Variants in HYCC2 observed in about 807,000 individuals in gnomAD.
HYCC2 encodes the protein hyccin 2.
the HYCC2 span, among the ~76,000 whole-genome samples, chr2:201,055,989 C>G: frequency 1.3e-5 from 2 of 152,180 alleles, no homozygotes; most frequent in Non-Finnish European, 2.9e-5. Context: ...GAGATCGAGA[C>G]CATCCTGGCT....
At chr2:201,030,378 T>A in the HYCC2 span, among the ~76,000 whole-genome samples, 4 of 151,620 alleles carry the variant, frequency 2.6e-5, no homozygotes, top group African/African-American at 4.8e-5. Context: ...AAAAAAAAAA[T>A]GGAACTTAGC....
At chr2:200,991,531 T>G in the HYCC2 span, among the ~76,000 whole-genome samples, 15 of 149,842 alleles carry the variant, frequency 1.0e-4, no homozygotes, top group African/African-American at 3.7e-4. Flanking sequence ...ATAGCGCCAC[T>G]GCACTCCAGC....
the HYCC2 span, among the ~76,000 whole-genome samples, chr2:201,002,080 C>T: frequency 1.3e-5 from 2 of 151,740 alleles, no homozygotes; most frequent in African/African-American, 4.8e-5. Flanking sequence ...AGTGTCAATT[C>T]CTCAATATTC....
chr2:201,002,420 A>G, the HYCC2 span, among the ~76,000 whole-genome samples: 1 of 152,148 alleles, frequency 6.6e-6, no homozygotes, highest in Non-Finnish European at 1.5e-5. Context: ...CAGTATTGGG[A>G]GTTAGTAGGA....
At chr2:201,045,441 A>C in the HYCC2 span, 1 of 397,484 alleles carries the variant, frequency 2.5e-6, no homozygotes, top group Non-Finnish European at 4.4e-6. Context: ...TAACATGTCT[A>C]ATGATATAGA....
At chr2:200,999,049 T>C in the HYCC2 span, among the ~76,000 whole-genome samples, 1 of 151,978 alleles carries the variant, frequency 6.6e-6, no homozygotes, top group African/African-American at 2.4e-5. Context: ...AAACTGAAAA[T>C]AGGAAGATTA....
chr2:201,050,731 C>T, the HYCC2 span, among the ~76,000 whole-genome samples: 137 of 151,922 alleles, frequency 9.0e-4, no homozygotes, highest in African/African-American at 3.2e-3. Flanking sequence ...GTCAGGAGTT[C>T]GAGACCAGCC....
the HYCC2 span, chr2:201,062,991 A>G: frequency 7.0e-7 from 1 of 1,426,480 alleles, no homozygotes; most frequent in African/African-American, 1.4e-5. Context: ...AGCAGCTAAC[A>G]TTTATTATGC....
chr2:201,023,359 A>C, the HYCC2 span, among the ~76,000 whole-genome samples: 1 of 152,054 alleles, frequency 6.6e-6, no homozygotes, highest in Non-Finnish European at 1.5e-5. Context: ...AAAAAAAAAA[A>C]GAAAGAAAGA....
chr2:201,006,130 CTTT>C, the HYCC2 span, among the ~76,000 whole-genome samples: 2 of 118,314 alleles, frequency 1.7e-5, no homozygotes. Context: ...TCGCGCCTGG[CTTT>C]TTTTTTTTTT....
At chr2:201,067,299 G>A in the HYCC2 span, 1 of 152,998 alleles carries the variant, frequency 6.5e-6, no homozygotes, top group Non-Finnish European at 1.5e-5. Flanking sequence ...TGACAAAGGT[G>A]ATGGATAAAT....
chr2:201,006,852 C>A, the HYCC2 span, among the ~76,000 whole-genome samples: 1,722 of 152,200 alleles, frequency 0.011, 17 homozygotes, highest in Non-Finnish European at 0.017. Context: ...AGAATGAATA[C>A]TAATGGAACA....
At chr2:201,027,610 T>C in the HYCC2 span, among the ~76,000 whole-genome samples, 2 of 152,160 alleles carry the variant, frequency 1.3e-5, no homozygotes, top group East Asian at 3.9e-4. Flanking sequence ...AAAAAGCTTA[T>C]CCACCAAGAT....
At chr2:201,066,175 G>C in the HYCC2 span, among the ~76,000 whole-genome samples, 1 of 151,784 alleles carries the variant, frequency 6.6e-6, no homozygotes, top group Non-Finnish European at 1.5e-5. Flanking sequence ...CTAGGTTCAA[G>C]CAATTTTCCT....
At chr2:201,056,976 A>G in the HYCC2 span, among the ~76,000 whole-genome samples, 1 of 152,204 alleles carries the variant, frequency 6.6e-6, no homozygotes, top group African/African-American at 2.4e-5. Flanking sequence ...AATGCCCTGA[A>G]TTGGACCAAC....
the HYCC2 span, among the ~76,000 whole-genome samples, chr2:201,025,418 T>C: frequency 1.3e-5 from 2 of 148,540 alleles, no homozygotes; most frequent in Non-Finnish European, 3.0e-5. Context: ...ACCAAACATA[T>C]TTTTTCAAAG....
the HYCC2 span, among the ~76,000 whole-genome samples, chr2:201,043,628 C>T: frequency 1.3e-5 from 2 of 151,462 alleles, no homozygotes; most frequent in African/African-American, 4.9e-5. Context: ...CCTGCCTCAG[C>T]CTCCCGAGTA....
chr2:201,046,335 G>C, the HYCC2 span, among the ~76,000 whole-genome samples: 1 of 152,066 alleles, frequency 6.6e-6, no homozygotes, highest in South Asian at 2.1e-4. Flanking sequence ...GATGTGTCAG[G>C]ACCCCCTACT....
At chr2:200,989,806 C>A in the HYCC2 span, among the ~76,000 whole-genome samples, 1 of 151,646 alleles carries the variant, frequency 6.6e-6, no homozygotes, top group African/African-American at 2.4e-5. Context: ...AGAGTGAGAC[C>A]CTGTCTCAAA....
Sources: allele counts gnomAD v4.1 joint callset (sites outside exome capture counted in the v4.1 genomes callset), GRCh38; gene constraint gnomAD v4.1.1; transcripts MANE v1.5; gene names NCBI Gene and HGNC (gene_info 2026-07-23, HGNC 2026-07-21).